Variants in CD200 observed in about 807,000 individuals in gnomAD.
CD200 encodes the protein CD200 molecule, also known as OX-2 membrane glycoprotein.
A neutral mutation model predicts 30.9 loss-of-function variants in CD200; 15 were observed. That is an observed-to-expected ratio of 0.49 (90% CI 0.32 to 0.75). CD200 has a LOEUF of 0.75. Among genes scored for constraint, CD200 ranks in the 30% least tolerant of loss-of-function variants. CD200 has a pLI of 0.03. For synonymous variants in CD200, 134 were observed against 126.2 expected (o/e 1.06, Z -0.41); for missense variants, 262 against 324.2 (o/e 0.81, Z 1.47).
At chr3:112,336,293 A>T (rs2081114303) in intron 1 of CD200, among the ~76,000 whole-genome samples, 2 of 152,100 alleles carry the variant, frequency 1.3e-5, no homozygotes. Flanking sequence ...AAAGGAAGAG[A>T]AATCCTTGTG....
chr3:112,345,810 T>C (rs974119760), intron 3 of CD200, among the ~76,000 whole-genome samples: 2 of 152,208 alleles, frequency 1.3e-5, no homozygotes, highest in Admixed American at 6.5e-5. Flanking sequence ...TAAGGGCACA[T>C]AGAGCAGAGC....
At chr3:112,359,379 T>C (rs182254098) in intron 5 of CD200, among the ~76,000 whole-genome samples, 5 of 152,360 alleles carry the variant, frequency 3.3e-5, no homozygotes, top group Admixed American at 3.3e-4. Context: ...AATTCTGTTA[T>C]TGGTAATTGA....
At chr3:112,333,735 G>A (rs2081050674) in intron 1 of CD200, 2 of 985,308 alleles carry the variant, frequency 2.0e-6, no homozygotes, top group Admixed American at 6.2e-5. Flanking sequence ...TTGTTATGCA[G>A]CCCCTTTCTC....
chr3:112,362,395 A>G lies in CD200; in HGVS notation c.*845A>G, dbSNP rs2081756833. ...ACATGACCCAGCCCTATTTTACGTCATTCTAAATTCAGCCTCATATAATGA... is the reference window on the plus strand; with the variant it reads ...ACATGACCCAGCCCTATTTTACGTCGTTCTAAATTCAGCCTCATATAATGA... On this transcript the variant is annotated 3_prime_UTR_variant, in exon 6 of 6. Coordinates refer to ENST00000315711, the MANE Select transcript of CD200 (RefSeq NM_005944.7). 1.3e-5 allele frequency: 2 copies of G among 152,382 alleles called. No individual in the cohort carries two copies. Among genetic ancestry groups the G allele is most frequent in the African/African-American group, 4.8e-5 (2 of 41,448 alleles). 9.4% of individuals were successfully genotyped at this position (152,382 alleles called of 1,614,324 possible). A position where few individuals can be genotyped will look rare whatever the true frequency, so the allele number is the denominator to read the frequency against.
At chr3:112,356,672 A>G (rs1220691997) in intron 5 of CD200, among the ~76,000 whole-genome samples, 1 of 152,246 alleles carries the variant, frequency 6.6e-6, no homozygotes, top group Non-Finnish European at 1.5e-5. Context: ...TATTTCTACA[A>G]TATTTCTCCT....
Position 112,347,630 on chromosome 3 carries a change from G to T in CD200, c.494G>T (p.Arg165Leu). The change falls in exon 4 of 6, where the codon CGC (arginine) becomes CTC (leucine). Residue 165 changes from arginine to leucine, a missense_variant. Transcript: ENST00000315711. ...HLNITCSATA[R>L]PAPMVFWKVP... is the part of the protein sequence containing the mutation. ...AATATCACTTGCTCTGCCACTGCCCGCCCAGCCCCCATGGTCTTCTGGAAG... is the reference window on the plus strand; with the variant it reads ...AATATCACTTGCTCTGCCACTGCCCTCCCAGCCCCCATGGTCTTCTGGAAG... 1.9e-6 allele frequency: 3 copies of T among 1,613,858 alleles called. No individual in the cohort carries two copies. Among genetic ancestry groups the T allele is most frequent in the Non-Finnish European group, 2.5e-6 (3 of 1,179,890 alleles).
chr3:112,342,373 C>T (rs968035406), intron 2 of CD200, among the ~76,000 whole-genome samples: 17 of 37,668 alleles, frequency 4.5e-4, no homozygotes, highest in African/African-American at 1.3e-3. Flanking sequence ...TTCTTTCTTT[C>T]TTTCTTTCTT....
At chr3:112,335,192 A>C (rs1420781952) in intron 1 of CD200, among the ~76,000 whole-genome samples, 1 of 152,096 alleles carries the variant, frequency 6.6e-6, no homozygotes, top group African/African-American at 2.4e-5. Flanking sequence ...AAAATTATCG[A>C]GTTATATATT....
At chr3:112,339,887 G>T (rs1305126471) in intron 1 of CD200, among the ~76,000 whole-genome samples, 1 of 152,178 alleles carries the variant, frequency 6.6e-6, no homozygotes, top group Non-Finnish European at 1.5e-5. Flanking sequence ...TGTAATCAAT[G>T]ATTAGCAGTC....
At chr3:112,341,471 C>T (rs969845345) in intron 2 of CD200, among the ~76,000 whole-genome samples, 3 of 152,130 alleles carry the variant, frequency 2.0e-5, no homozygotes, top group Admixed American at 1.3e-4. Flanking sequence ...ACTTATCTAC[C>T]GAAGTTCCTA....
intron 5 of CD200, among the ~76,000 whole-genome samples, chr3:112,352,887 GGTTT>G (rs2081560715): frequency 6.6e-6 from 1 of 152,098 alleles, no homozygotes; most frequent in Non-Finnish European, 1.5e-5. Flanking sequence ...GCATGACGTT[GGTTT>G]TTTCCAACTG....
At chr3:112,335,509 A>C (rs2081093007) in intron 1 of CD200, among the ~76,000 whole-genome samples, 2 of 152,218 alleles carry the variant, frequency 1.3e-5, no homozygotes, top group Admixed American at 6.5e-5. Context: ...GATGTAAGGA[A>C]AAAGCAACTT....
At chr3:112,357,670 T>C (rs1559792976) in intron 5 of CD200, among the ~76,000 whole-genome samples, 1 of 152,176 alleles carries the variant, frequency 6.6e-6, no homozygotes, top group Non-Finnish European at 1.5e-5. Context: ...CTGAATCTGT[T>C]TGGACACATG....
At chr3:112,343,829 C>T (rs1032419149) in intron 2 of CD200, among the ~76,000 whole-genome samples, 1 of 151,842 alleles carries the variant, frequency 6.6e-6, no homozygotes, top group Middle Eastern at 3.2e-3. Context: ...TACTTTTTCC[C>T]TTCTTACAGT....
chr3:112,355,633 A>C (rs1214994910), intron 5 of CD200, among the ~76,000 whole-genome samples: 1 of 152,218 alleles, frequency 6.6e-6, no homozygotes, highest in East Asian at 1.9e-4. Context: ...GGAATTTCTC[A>C]GTCCCTAATA....
chr3:112,355,259 A>ACCTGGTCAG (rs917600323), intron 5 of CD200, among the ~76,000 whole-genome samples: 2 of 152,076 alleles, frequency 1.3e-5, no homozygotes, highest in African/African-American at 4.8e-5. Flanking sequence ...GAACTTCAAA[A>ACCTGGTCAG]CCTGGTCAGA....
At chr3:112,342,355 T>C (rs1320881365) in intron 2 of CD200, among the ~76,000 whole-genome samples, 1 of 13,640 alleles carries the variant, frequency 7.3e-5, no homozygotes, top group African/African-American at 2.8e-4. Context: ...CTTTCTTTCT[T>C]TCTTTCTTTC....
rs1365561509 is a variant in CD200, at chr3:112,345,259, T to G, written c.392T>G (p.Ile131Ser). Residue 131 changes from isoleucine to serine, a missense_variant, in exon 3 of 6, where the codon ATC (isoleucine) becomes AGC (serine). Coordinates refer to ENST00000315711, the MANE Select transcript of CD200 (RefSeq NM_005944.7). ...TTCAATACCTTTGGTTTTGGGAAGA[T>G]CTCAGGAACGGCCTGCCTCACCGTC... ...CLFNTFGFGK[I>S]SGTACLTVYV... The G allele has an allele frequency of 4.3e-6, 7 of 1,613,730 alleles. No individual in the cohort carries two copies. The highest frequency in any genetic ancestry group is 5.9e-6 in the Non-Finnish European group (7 of 1,179,790).
chr3:112,333,597 G>A lies in CD200; in HGVS notation c.12+373G>A, dbSNP rs1268939349. ...CAGCTCCCAAAACTGGGGAGGCACA[G>A]CCTATTTTAAACTGCCCCCAAAAGG... is the stretch of plus-strand genomic sequence containing the variant. On this transcript the variant is annotated intron_variant, in intron 1 of 5. Coordinates refer to ENST00000315711, the MANE Select transcript of CD200 (RefSeq NM_005944.7). 3 of 985,306 alleles carry A rather than the reference G, an allele frequency of 3.0e-6. No individual in the cohort carries two copies. In the African/African-American group the frequency reaches 5.2e-5, roughly 17 times the overall value. The allele number at this position is 985,306 out of a possible 1,614,324, so 61.0% of individuals were successfully genotyped here. A position where few individuals can be genotyped will look rare whatever the true frequency, so the allele number is the denominator to read the frequency against.
Sources: allele counts gnomAD v4.1 joint callset (sites outside exome capture counted in the v4.1 genomes callset), GRCh38; gene constraint gnomAD v4.1.1; transcripts MANE v1.5; gene names NCBI Gene and HGNC (gene_info 2026-07-23, HGNC 2026-07-21).